Variants in SLC9A9 observed in about 807,000 individuals in gnomAD.
The protein encoded by SLC9A9 is sodium/hydrogen exchanger 9.
In SLC9A9, 62 loss-of-function variants were observed where a neutral mutation model predicts 77.8. The ratio of observed to expected loss-of-function variants is 0.80; its 90% confidence interval spans 0.65 to 0.98. SLC9A9 has a LOEUF of 0.98. SLC9A9 is among the 50% of genes least tolerant of loss of function. The pLI, the probability that SLC9A9 is intolerant of heterozygous loss-of-function variation, is 0.00. For synonymous variants in SLC9A9, 320 were observed against 283.5 expected (o/e 1.13, Z -1.29); for missense variants, 775 against 774.9 (o/e 1.00, Z 0.00).
At chr3:143,364,557 A>G (rs2032846375) in intron 13 of SLC9A9, among the ~76,000 whole-genome samples, 1 of 152,116 alleles carries the variant, frequency 6.6e-6, no homozygotes, top group South Asian at 2.1e-4. Flanking sequence ...ATGAGCTCAT[A>G]TTGATTTGCT....
chr3:143,720,162 G>T (rs1469593765), intron 4 of SLC9A9, among the ~76,000 whole-genome samples: 1 of 150,122 alleles, frequency 6.7e-6, no homozygotes, highest in Non-Finnish European at 1.5e-5. Flanking sequence ...ATCTTATATA[G>T]TATATAAAGT....
chr3:143,467,638 G>A (rs1450045083), intron 11 of SLC9A9, among the ~76,000 whole-genome samples: 1 of 151,770 alleles, frequency 6.6e-6, no homozygotes, highest in East Asian at 1.9e-4. Flanking sequence ...CCAGCTACTC[G>A]AAAGGATCAC....
intron 13 of SLC9A9, among the ~76,000 whole-genome samples, chr3:143,369,132 C>T (rs2032984735): frequency 6.6e-6 from 1 of 152,266 alleles, no homozygotes; most frequent in African/African-American, 2.4e-5. Context: ...CATGCTTTAG[C>T]TACAAAGAAA....
At chr3:143,799,126 T>C (rs559292020) in intron 2 of SLC9A9, among the ~76,000 whole-genome samples, 1 of 152,188 alleles carries the variant, frequency 6.6e-6, no homozygotes, top group South Asian at 2.1e-4. Context: ...TTAATGCTCC[T>C]TTTTCTTTAT....
intron 5 of SLC9A9, among the ~76,000 whole-genome samples, chr3:143,678,220 C>A (rs1289958016): frequency 6.6e-6 from 1 of 152,048 alleles, no homozygotes; most frequent in Non-Finnish European, 1.5e-5. Context: ...AATATTCTGT[C>A]CTTCGTATTT....
intron 2 of SLC9A9, among the ~76,000 whole-genome samples, chr3:143,812,858 T>C (rs1397251935): frequency 6.6e-6 from 1 of 152,204 alleles, no homozygotes; most frequent in Non-Finnish European, 1.5e-5. Flanking sequence ...GATTGAGACA[T>C]GCACAAGAAA....
At chr3:143,387,696 C>A (rs899608077) in intron 12 of SLC9A9, among the ~76,000 whole-genome samples, 3 of 151,990 alleles carry the variant, frequency 2.0e-5, no homozygotes, top group Non-Finnish European at 2.9e-5. Context: ...CACCATAATG[C>A]ACCCTCCCTT....
intron 2 of SLC9A9, among the ~76,000 whole-genome samples, chr3:143,806,793 T>A (rs971420555): frequency 6.6e-6 from 1 of 151,996 alleles, no homozygotes; most frequent in African/African-American, 2.4e-5. Flanking sequence ...ATAGAATGAA[T>A]AAGATCTAGT....
At chr3:143,632,336 A>G (rs996299781) in intron 6 of SLC9A9, among the ~76,000 whole-genome samples, 2 of 152,174 alleles carry the variant, frequency 1.3e-5, no homozygotes, top group African/African-American at 2.4e-5. Flanking sequence ...GGGGGTCACA[A>G]TGAAAAGATT....
intron 14 of SLC9A9, among the ~76,000 whole-genome samples, chr3:143,319,794 C>T (rs188602843): frequency 3.3e-5 from 5 of 152,306 alleles, no homozygotes; most frequent in East Asian, 3.9e-4. Context: ...TTTAAAACCT[C>T]GCAAGAAACA....
chr3:143,295,796 C>G (rs1293094323), intron 14 of SLC9A9, among the ~76,000 whole-genome samples: 1 of 151,998 alleles, frequency 6.6e-6, no homozygotes, highest in African/African-American at 2.4e-5. Context: ...TCCAATATAC[C>G]TGTAATTACA....
At chr3:143,431,406 C>T (rs1430733532) in intron 12 of SLC9A9, among the ~76,000 whole-genome samples, 1 of 151,922 alleles carries the variant, frequency 6.6e-6, no homozygotes, top group Non-Finnish European at 1.5e-5. Context: ...AGTGTATTCT[C>T]AAGACAGCAG....
intron 6 of SLC9A9, among the ~76,000 whole-genome samples, chr3:143,644,764 CTT>C (rs879419996): frequency 4.1e-5 from 6 of 146,218 alleles, no homozygotes; most frequent in African/African-American, 1.5e-4. Flanking sequence ...ACAGCCATAA[CTT>C]TTTTTTTTTT....
intron 8 of SLC9A9, among the ~76,000 whole-genome samples, chr3:143,565,915 A>T (rs895397853): frequency 1.3e-5 from 2 of 152,022 alleles, no homozygotes; most frequent in Admixed American, 1.3e-4. Flanking sequence ...CCTCCTGGAG[A>T]TTTGTTTTAT....
chr3:143,311,137 A>C (rs1345202659), intron 14 of SLC9A9, among the ~76,000 whole-genome samples: 1 of 152,234 alleles, frequency 6.6e-6, no homozygotes, highest in Non-Finnish European at 1.5e-5. Flanking sequence ...TTTAAAAGCA[A>C]GTCCATTGTG....
chr3:143,276,612 T>G (rs1037410570), intron 14 of SLC9A9, among the ~76,000 whole-genome samples: 2 of 152,214 alleles, frequency 1.3e-5, no homozygotes, highest in Non-Finnish European at 2.9e-5. Context: ...TAGATTTTGA[T>G]ATTGTTTTCT....
intron 2 of SLC9A9, among the ~76,000 whole-genome samples, chr3:143,814,726 GGC>G (rs1163389206): frequency 6.6e-6 from 1 of 152,172 alleles, no homozygotes; most frequent in Non-Finnish European, 1.5e-5. Context: ...AAGTGGACCT[GGC>G]TGAGAGAATG....
intron 8 of SLC9A9, among the ~76,000 whole-genome samples, chr3:143,554,318 A>G (rs1006414228): frequency 5.3e-5 from 8 of 152,212 alleles, no homozygotes; most frequent in African/African-American, 1.9e-4. Context: ...CAGGCTCACA[A>G]TGATTAAGCA....
chr3:143,412,174 C>T (rs549548388), intron 12 of SLC9A9, among the ~76,000 whole-genome samples: 4 of 152,190 alleles, frequency 2.6e-5, no homozygotes, highest in African/African-American at 9.6e-5. Flanking sequence ...GGTGAGACTC[C>T]TCCTCTGCTG....
Sources: allele counts gnomAD v4.1 joint callset (sites outside exome capture counted in the v4.1 genomes callset), GRCh38; gene constraint gnomAD v4.1.1; transcripts MANE v1.5; gene names NCBI Gene and HGNC (gene_info 2026-07-23, HGNC 2026-07-21).